Variants in NOX4 observed in about 807,000 individuals in gnomAD.
The protein encoded by NOX4 is NADPH oxidase 4.
A neutral mutation model predicts 87.6 loss-of-function variants in NOX4; 69 were observed. The observed-to-expected ratio is 0.79, with a 90% CI of 0.65 to 0.96. The LOEUF is 0.96. NOX4 is among the 40% of genes least tolerant of loss of function. The probability of loss-of-function intolerance (pLI) is 0.00; values close to 1 mark genes in which losing one functional copy is unlikely to be tolerated. For missense variants in NOX4, 680 were observed against 681.5 expected (o/e 1.00, Z 0.02); for synonymous variants, 275 against 238.2 (o/e 1.15, Z -1.42).
chr11:89,477,342 T>C (rs369769947), intron 2 of NOX4, among the ~76,000 whole-genome samples: 7 of 152,082 alleles, frequency 4.6e-5, no homozygotes, highest in East Asian at 3.9e-4. Context: ...GAGAATCTAA[T>C]GCTGCAGCTG....
intron 7 of NOX4, among the ~76,000 whole-genome samples, chr11:89,428,010 CA>C (rs1943543419): frequency 6.6e-6 from 1 of 152,234 alleles, no homozygotes; most frequent in Non-Finnish European, 1.5e-5. Context: ...ATCAGACTAA[CA>C]GCTGATCTCT....
At chr11:89,358,599 AC>A in intron 12 of NOX4, among the ~76,000 whole-genome samples, 1 of 151,730 alleles carries the variant, frequency 6.6e-6, no homozygotes, top group Admixed American at 6.6e-5. Context: ...ATAAATGATA[AC>A]AATTATCCTT....
intron 12 of NOX4, among the ~76,000 whole-genome samples, chr11:89,359,378 C>T (rs1378942016): frequency 2.8e-5 from 4 of 141,330 alleles, no homozygotes; most frequent in African/African-American, 1.1e-4. Context: ...AAGCAGTAGG[C>T]ATTTTTTTTT....
At chr11:89,392,030 A>G (rs1442330588) in intron 11 of NOX4, among the ~76,000 whole-genome samples, 1 of 148,172 alleles carries the variant, frequency 6.7e-6, no homozygotes, top group East Asian at 2.0e-4. Context: ...GATAATTTCC[A>G]GAGAACAATC....
the NOX4 span, among the ~76,000 whole-genome samples, chr11:89,512,669 T>A: frequency 6.6e-6 from 1 of 152,122 alleles, no homozygotes; most frequent in East Asian, 1.9e-4. Context: ...CATTCTTCTG[T>A]CTATGGTCAT....
At chr11:89,508,184 C>T in the NOX4 span, among the ~76,000 whole-genome samples, 1 of 152,052 alleles carries the variant, frequency 6.6e-6, no homozygotes, top group Non-Finnish European at 1.5e-5. Context: ...GGTTTATAGG[C>T]TACCTAATTC....
intron 13 of NOX4, among the ~76,000 whole-genome samples, chr11:89,342,488 T>C (rs1486763066): frequency 6.6e-6 from 1 of 152,022 alleles, no homozygotes; most frequent in Non-Finnish European, 1.5e-5. Context: ...GTTAAAGCTC[T>C]GATCATATTA....
intron 13 of NOX4, among the ~76,000 whole-genome samples, chr11:89,350,475 C>T (rs925952841): frequency 1.3e-5 from 2 of 152,110 alleles, no homozygotes; most frequent in African/African-American, 4.8e-5. Flanking sequence ...ATCCAAACTA[C>T]CACAGCTCAC....
the NOX4 span, among the ~76,000 whole-genome samples, chr11:89,560,086 G>A: frequency 1.3e-5 from 2 of 152,004 alleles, no homozygotes; most frequent in Non-Finnish European, 2.9e-5. Context: ...CAGTATGACT[G>A]TTGTCTTCAT....
chr11:89,550,830 C>T, the NOX4 span, among the ~76,000 whole-genome samples: 19 of 152,128 alleles, frequency 1.2e-4, no homozygotes, highest in Admixed American at 3.3e-4. Context: ...GCTTTTGTTG[C>T]CATTGCTTTT....
At chr11:89,552,583 G>T in the NOX4 span, among the ~76,000 whole-genome samples, 1 of 152,134 alleles carries the variant, frequency 6.6e-6, no homozygotes, top group South Asian at 2.1e-4. Context: ...CACTTCCTCA[G>T]TTACATTTAT....
At chr11:89,425,693 G>A (rs922829133) in intron 7 of NOX4, among the ~76,000 whole-genome samples, 7 of 151,880 alleles carry the variant, frequency 4.6e-5, no homozygotes, top group Admixed American at 4.6e-4. Flanking sequence ...AGAGCAAGAA[G>A]GATTTAATCT....
At chr11:89,527,623 C>T in the NOX4 span, among the ~76,000 whole-genome samples, 153 of 152,278 alleles carry the variant, frequency 1.0e-3, 2 homozygotes, top group Non-Finnish European at 8.8e-4. Context: ...GCTGTTGCTT[C>T]AGAGACTGAA....
the NOX4 span, among the ~76,000 whole-genome samples, chr11:89,511,887 C>T: frequency 3.3e-5 from 5 of 151,964 alleles, no homozygotes; most frequent in African/African-American, 9.7e-5. Flanking sequence ...TCTTTTAAGA[C>T]GAGGACAATT....
intron 4 of NOX4, 43 bp from the exon 5 acceptor site, chr11:89,444,275 A>G (rs1214782414): frequency 6.6e-7 from 1 of 1,521,434 alleles, no homozygotes; most frequent in South Asian, 1.1e-5. Flanking sequence ...ATTTGCATAT[A>G]TGCTCTATGT....
Position 89,393,086 on chromosome 11 carries a change from G to A in NOX4, c.1074+6931C>T, listed in dbSNP as rs185026974. 9.2e-5 allele frequency among the ~76,000 whole-genome samples: 14 copies of A among 152,238 alleles called. No homozygotes were observed. The East Asian group carries it at 2.3e-3, about 25-fold the overall frequency. On this transcript the variant is annotated intron_variant, in intron 11 of 17. Coordinates refer to ENST00000263317, the MANE Select transcript of NOX4 (RefSeq NM_016931.5). ...TGTTGGACAACTATCGATCTAATGC[G>A]GTGGTTGTCAACTGTAGGTGATTTT...
At chr11:89,426,971 C>T (rs186220345) in intron 7 of NOX4, among the ~76,000 whole-genome samples, 10 of 152,314 alleles carry the variant, frequency 6.6e-5, no homozygotes, top group African/African-American at 2.2e-4. Context: ...GAGGCACTCC[C>T]CAGTAGGGGC....
intron 11 of NOX4, among the ~76,000 whole-genome samples, chr11:89,395,985 A>ATGTG (rs1941457684): frequency 1.3e-5 from 2 of 152,066 alleles, no homozygotes; most frequent in African/African-American, 4.8e-5. Flanking sequence ...TTGGCAATAC[A>ATGTG]GGCTCTTTTA....
chr11:89,342,602 G>T (rs1224801412), intron 13 of NOX4, among the ~76,000 whole-genome samples: 1 of 152,058 alleles, frequency 6.6e-6, no homozygotes, highest in African/African-American at 2.4e-5. Context: ...TCAATGGCTA[G>T]ATCAGTACTG....
Sources: gnomAD v4.1 joint callset for allele counts (sites outside exome capture counted in the v4.1 genomes callset) on GRCh38, gnomAD v4.1.1 for gene constraint, MANE v1.5 for transcripts, NCBI Gene and HGNC (gene_info 2026-07-23, HGNC 2026-07-21) for gene names.